Variants in TANC2 observed in about 807,000 individuals in gnomAD.
The protein encoded by TANC2 is protein TANC2.
TANC2 carries 26 observed loss-of-function variants against 210.5 expected under a neutral mutation model. That is an observed-to-expected ratio of 0.12 (90% confidence interval 0.09 to 0.17). TANC2 has a LOEUF of 0.17. TANC2 is among the 10% of genes least tolerant of loss of function. The pLI, the probability that TANC2 is intolerant of heterozygous loss-of-function variation, is 1.00. For missense variants in TANC2, 2,129 were observed against 2,608.9 expected, an observed-to-expected ratio of 0.82 and a Z score of 4.01; for synonymous variants, 931 against 967.1, an observed-to-expected ratio of 0.96 and a Z score of 0.69.
chr17:63,418,974 T>A lies in TANC2; in HGVS notation c.4268+567T>A, dbSNP rs890874316. ...TGCTGCCAGGATGGAGAGGACCCTCTAAGAGAACACCATTCCACATTCCTT... is the reference window on the plus strand; with the variant it reads ...TGCTGCCAGGATGGAGAGGACCCTCAAAGAGAACACCATTCCACATTCCTT... On this transcript the variant is annotated intron_variant, in intron 27 of 27. Transcript: ENST00000689528. The surrounding 1 kb of genome is among the most constrained non-coding windows in gnomAD (Gnocchi z 4.6). 6.6e-6 allele frequency among the ~76,000 whole-genome samples: 1 copy of A among 152,190 alleles called. No homozygotes were observed. The highest frequency in any genetic ancestry group is 2.4e-5 in the African/African-American group (1 of 41,454).
intron 12 of TANC2, among the ~76,000 whole-genome samples, chr17:63,340,850 A>C (rs1430641309): frequency 6.6e-6 from 1 of 152,184 alleles, no homozygotes; most frequent in South Asian, 2.1e-4. Context: ...TACGGTGCAT[A>C]AATTGTATTA....
chr17:63,286,503 A>G (rs999078356), intron 9 of TANC2, among the ~76,000 whole-genome samples: 1 of 151,990 alleles, frequency 6.6e-6, no homozygotes, highest in Non-Finnish European at 1.5e-5. Context: ...GTTCCTCTGT[A>G]CTTAATGTCA....
chr17:63,237,858 G>T (rs1196364888), exon 8 of TANC2: 1 of 1,553,364 alleles, frequency 6.4e-7, no homozygotes, highest in South Asian at 1.2e-5. Context: ...CACAAAATAT[G>T]CTGGGGAAAG....
At chr17:63,163,107 A>T (rs956458489) in intron 5 of TANC2, among the ~76,000 whole-genome samples, 1 of 151,824 alleles carries the variant, frequency 6.6e-6, no homozygotes, top group African/African-American at 2.4e-5. Context: ...TAAGCCAAGC[A>T]GGAGAGGAAA....
intron 12 of TANC2, among the ~76,000 whole-genome samples, chr17:63,350,255 A>G (rs2046556324): frequency 6.6e-6 from 1 of 152,186 alleles, no homozygotes; most frequent in African/African-American, 2.4e-5. Flanking sequence ...TCCTCCTCAG[A>G]TAAAACCTGT....
intron 4 of TANC2, among the ~76,000 whole-genome samples, chr17:63,131,807 G>A (rs188399598): frequency 7.8e-4 from 119 of 152,250 alleles, no homozygotes; most frequent in African/African-American, 2.7e-3. Flanking sequence ...CTGGTCCATA[G>A]GCCACACTGT....
At chr17:63,147,775 A>G (rs2039512951) in intron 4 of TANC2, among the ~76,000 whole-genome samples, 1 of 152,186 alleles carries the variant, frequency 6.6e-6, no homozygotes, top group Admixed American at 6.6e-5. Context: ...TGGATACTCT[A>G]CTAAGGCATA....
At chr17:63,273,378 CTTTG>C (rs1051357740) in intron 9 of TANC2, among the ~76,000 whole-genome samples, 1 of 151,994 alleles carries the variant, frequency 6.6e-6, no homozygotes, top group Non-Finnish European at 1.5e-5. Flanking sequence ...GTTAAATATA[CTTTG>C]TTTAAAATAA....
rs972226018 is a variant in TANC2 at position 63,033,289 on chromosome 17, G to A, written c.67+23663G>A. Among the ~76,000 whole-genome samples, 5 of 152,296 alleles carry A rather than the reference G, an allele frequency of 3.3e-5. No individual in the cohort carries two copies. The East Asian group carries it at 9.6e-4, about 29-fold the overall frequency. ...TTTTCCGTTCCCCAGAAGTTGGGGT[G>A]GGTGGAGCTGAAAGTTTCCCCTGAT... On this transcript the variant is annotated intron_variant, in intron 2 of 27. Transcript: ENST00000689528.
intron 14 of TANC2, among the ~76,000 whole-genome samples, chr17:63,377,112 G>A (rs2147063009): frequency 6.6e-6 from 1 of 152,288 alleles, no homozygotes; most frequent in East Asian, 1.9e-4. Context: ...GCACAAAGCA[G>A]CAAGGCCCTG....
intron 12 of TANC2, 111 bp downstream of exon 12, chr17:63,340,443 A>G (rs971305020): frequency 1.9e-5 from 16 of 861,682 alleles, no homozygotes; most frequent in African/African-American, 2.4e-5. Flanking sequence ...TAAATGTTCC[A>G]TAGCTGGATA....
intron 11 of TANC2, among the ~76,000 whole-genome samples, chr17:63,336,292 C>T (rs1427080379): frequency 6.6e-6 from 1 of 152,162 alleles, no homozygotes; most frequent in Admixed American, 6.5e-5. Flanking sequence ...ATACAAATGC[C>T]AGTCAGTATG....
intron 11 of TANC2, chr17:63,332,496 C>T (rs527872967): frequency 3.8e-4 from 154 of 409,332 alleles, no homozygotes; most frequent in South Asian, 2.8e-3. Context: ...CCTTGGGCCT[C>T]CTTTGCAATC....
At chr17:63,123,825 C>T (rs2038591588) in intron 4 of TANC2, among the ~76,000 whole-genome samples, 1 of 150,546 alleles carries the variant, frequency 6.6e-6, no homozygotes, top group African/African-American at 2.5e-5. Flanking sequence ...CCTCAGCCTC[C>T]CGAGTAGCTG....
intron 11 of TANC2, among the ~76,000 whole-genome samples, chr17:63,328,669 CA>C: frequency 6.7e-6 from 1 of 150,006 alleles, no homozygotes; most frequent in Non-Finnish European, 1.5e-5. Context: ...TTGTTGATCA[CA>C]GGTGATCAAC....
At chr17:63,293,597 G>A (rs1349614619) in intron 9 of TANC2, among the ~76,000 whole-genome samples, 1 of 151,996 alleles carries the variant, frequency 6.6e-6, no homozygotes, top group Non-Finnish European at 1.5e-5. Flanking sequence ...TCCAGTTAGA[G>A]CCCCCACTTC....
At chr17:63,038,404 A>G (rs1408970986) in intron 2 of TANC2, among the ~76,000 whole-genome samples, 1 of 151,950 alleles carries the variant, frequency 6.6e-6, no homozygotes, top group Non-Finnish European at 1.5e-5. Flanking sequence ...TTTCTACATT[A>G]CTGTATTTTA....
intron 2 of TANC2, among the ~76,000 whole-genome samples, chr17:63,066,391 C>T (rs1179095674): frequency 6.6e-6 from 1 of 152,018 alleles, no homozygotes; most frequent in Non-Finnish European, 1.5e-5. Flanking sequence ...GCTGCAGGGT[C>T]TAGCCTGGAG....
At chr17:63,401,754 C>T (rs2048350844) in intron 19 of TANC2, among the ~76,000 whole-genome samples, 1 of 152,204 alleles carries the variant, frequency 6.6e-6, no homozygotes. Flanking sequence ...CCACACCCTC[C>T]TCTCCCTTGT....
Sources: gnomAD v4.1 joint callset for allele counts (sites outside exome capture counted in the v4.1 genomes callset) on GRCh38, gnomAD v4.1.1 for gene constraint, Gnocchi (gnomAD v3.1) non-coding constraint, MANE v1.5 for transcripts, NCBI Gene and HGNC (gene_info 2026-07-23, HGNC 2026-07-21) for gene names.